Variants in PCCA observed in about 807,000 individuals in gnomAD.
The protein encoded by PCCA is propionyl-CoA carboxylase subunit alpha.
In PCCA, 74 loss-of-function variants were observed where a neutral mutation model predicts 101.3. The observed-to-expected ratio is 0.73, with a 90% confidence interval of 0.61 to 0.89. PCCA has a LOEUF of 0.89. PCCA is among the 40% of genes least tolerant of loss of function. The pLI is 0.00. For synonymous variants in PCCA, 294 were observed against 313.6 expected (o/e 0.94, Z 0.66); for missense variants, 891 against 907.0 (o/e 0.98, Z 0.23).
chr13:100,452,736 G>A (rs1225381295), intron 21 of PCCA, among the ~76,000 whole-genome samples: 1 of 151,998 alleles, frequency 6.6e-6, no homozygotes, highest in Non-Finnish European at 1.5e-5. Flanking sequence ...TCCTCACCTG[G>A]AAGTGATAAG....
chr13:100,348,719 T>C (rs2072646085), intron 18 of PCCA, among the ~76,000 whole-genome samples: 1 of 149,178 alleles, frequency 6.7e-6, no homozygotes, highest in Non-Finnish European at 1.5e-5. Flanking sequence ...TTACTTTCCG[T>C]TTTTTTTCCT....
intron 19 of PCCA, among the ~76,000 whole-genome samples, chr13:100,401,419 T>G (rs1186109781): frequency 6.6e-6 from 1 of 152,084 alleles, no homozygotes; most frequent in Non-Finnish European, 1.5e-5. Context: ...AATTTTTGTA[T>G]TTTTAGTAGA....
chr13:100,403,866 C>T (rs1171365355), intron 19 of PCCA, among the ~76,000 whole-genome samples: 1 of 152,128 alleles, frequency 6.6e-6, no homozygotes, highest in Non-Finnish European at 1.5e-5. Context: ...CTTCCTGAGG[C>T]CCCACCCCAG....
intron 17 of PCCA, among the ~76,000 whole-genome samples, chr13:100,338,923 A>AT (rs914524839): frequency 3.3e-5 from 5 of 151,694 alleles, no homozygotes; most frequent in Non-Finnish European, 5.9e-5. Context: ...ATTTTGAGTG[A>AT]TTTTTTAGAC....
intron 11 of PCCA, among the ~76,000 whole-genome samples, chr13:100,269,839 A>G (rs914709417): frequency 4.6e-5 from 7 of 152,324 alleles, no homozygotes; most frequent in African/African-American, 1.7e-4. Context: ...TTTTAAAAAT[A>G]TGGCATGGTG....
intron 6 of PCCA, among the ~76,000 whole-genome samples, chr13:100,183,979 C>G (rs8000615): frequency 6.6e-6 from 1 of 151,856 alleles, no homozygotes; most frequent in Non-Finnish European, 1.5e-5. Context: ...CTGTTCTTGC[C>G]TTGCTATAAA....
intron 1 of PCCA, among the ~76,000 whole-genome samples, chr13:100,095,836 G>C (rs556929483): frequency 6.6e-6 from 1 of 152,152 alleles, no homozygotes; most frequent in East Asian, 1.9e-4. Flanking sequence ...CCAGTTGGAG[G>C]CATTTAAGCA....
chr13:100,151,200 A>G (rs1219676423), intron 4 of PCCA: 7 of 647,310 alleles, frequency 1.1e-5, no homozygotes, highest in Non-Finnish European at 1.8e-5. Flanking sequence ...AAGATGAAAA[A>G]CACATCTGTT....
At chr13:100,260,599 G>T (rs1429420390) in intron 9 of PCCA, among the ~76,000 whole-genome samples, 1 of 151,862 alleles carries the variant, frequency 6.6e-6, no homozygotes, top group African/African-American at 2.4e-5. Context: ...GTTTCACCGT[G>T]TTGCCCAGGC....
At chr13:100,421,865 A>T (rs1366804100) in intron 19 of PCCA, among the ~76,000 whole-genome samples, 1 of 151,836 alleles carries the variant, frequency 6.6e-6, no homozygotes, top group African/African-American at 2.4e-5. Context: ...TTGTCTTTTT[A>T]GTTGAGACGA....
At chr13:100,404,544 T>C (rs537802605) in intron 19 of PCCA, among the ~76,000 whole-genome samples, 1 of 152,258 alleles carries the variant, frequency 6.6e-6, no homozygotes, top group Admixed American at 6.5e-5. Flanking sequence ...GATGAATGGC[T>C]ACCTATCTAG....
chr13:100,399,143 C>G (rs979039324), intron 19 of PCCA, among the ~76,000 whole-genome samples: 7 of 151,942 alleles, frequency 4.6e-5, no homozygotes, highest in Non-Finnish European at 1.0e-4. Flanking sequence ...AAACTTTAAA[C>G]TCGTATACAA....
chr13:100,150,530 C>G lies in PCCA; in HGVS notation c.301-4449C>G, dbSNP rs528845375. 5.3e-6 allele frequency: 7 copies of G among 1,332,906 alleles called. No individual in the cohort carries two copies. In the Admixed American group the frequency reaches 1.2e-4, roughly 23 times the overall value. 82.6% of individuals were successfully genotyped at this position (1,332,906 alleles called of 1,614,324 possible). ...AGTATTGCGCCTTCTCCAAGCTCCC[C>G]GGCGAGAACCACCAATAGTGTGGTG... On this transcript the variant is annotated intron_variant, in intron 4 of 23. Transcript: ENST00000376285.
Position 100,119,958 on chromosome 13 carries a change from A to G in PCCA, c.300+7897A>G, listed in dbSNP as rs181786566. Reference sequence around the variant, plus strand: ...GCAATCTCAGCTCACTGCAACCTCCATCTCCTGGGTTCAAGCGATTCTCCT... The same window carrying G: ...GCAATCTCAGCTCACTGCAACCTCCGTCTCCTGGGTTCAAGCGATTCTCCT... On this transcript the variant is annotated intron_variant, in intron 4 of 23. Coordinates refer to ENST00000376285, the MANE Select transcript of PCCA (RefSeq NM_000282.4). 3.6e-3 allele frequency among the ~76,000 whole-genome samples: 552 copies of G among 151,992 alleles called. 3 individuals are homozygous for G. Among genetic ancestry groups the G allele is most frequent in the Non-Finnish European group, 6.5e-3 (439 of 67,962 alleles).
At chr13:100,302,533 A>G (rs968893493) in intron 13 of PCCA, among the ~76,000 whole-genome samples, 12 of 151,994 alleles carry the variant, frequency 7.9e-5, no homozygotes, top group Non-Finnish European at 1.5e-4. Flanking sequence ...AAGTTTTACC[A>G]TATGTGAACT....
At chr13:100,239,951 CT>C (rs1450539111) in intron 8 of PCCA, among the ~76,000 whole-genome samples, 2 of 152,094 alleles carry the variant, frequency 1.3e-5, no homozygotes, top group Non-Finnish European at 2.9e-5. Context: ...TCCTGGATGC[CT>C]CTTTTCCTCA....
intron 19 of PCCA, among the ~76,000 whole-genome samples, chr13:100,397,923 C>T (rs867937297): frequency 4.6e-5 from 7 of 152,202 alleles, no homozygotes; most frequent in Non-Finnish European, 1.0e-4. Flanking sequence ...ACAAAAAGTG[C>T]TTCTTTTTAG....
At chr13:100,142,020 G>C (rs1284305975) in intron 4 of PCCA, among the ~76,000 whole-genome samples, 2 of 152,184 alleles carry the variant, frequency 1.3e-5, no homozygotes, top group African/African-American at 4.8e-5. Flanking sequence ...TTGAGTGTTG[G>C]CAATAATACT....
chr13:100,096,557 G>T (rs550589862), intron 1 of PCCA, among the ~76,000 whole-genome samples: 8 of 152,286 alleles, frequency 5.3e-5, no homozygotes, highest in Non-Finnish European at 1.2e-4. Flanking sequence ...TCAAAAACTA[G>T]AAATCATTAA....
Sources: allele counts gnomAD v4.1 joint callset (sites outside exome capture counted in the v4.1 genomes callset), GRCh38; gene constraint gnomAD v4.1.1; transcripts MANE v1.5; gene names NCBI Gene and HGNC (gene_info 2026-07-23, HGNC 2026-07-21).